CHEK2: variants seen among roughly 807,000 people sequenced by gnomAD.
The protein encoded by CHEK2 is checkpoint kinase 2, also known as serine/threonine-protein kinase Chk2.
A neutral mutation model predicts 69.1 loss-of-function variants in CHEK2; 71 were observed. The ratio of observed to expected loss-of-function variants is 1.03; its 90% CI spans 0.85 to 1.25. The LOEUF is 1.25. CHEK2 is among the 50% of genes most tolerant of loss of function. The probability of loss-of-function intolerance (pLI) is 0.00; values close to 1 mark genes in which losing one functional copy is unlikely to be tolerated. For missense variants in CHEK2, 664 were observed against 649.6 expected, an observed-to-expected ratio of 1.02 and a Z score of -0.24; for synonymous variants, 189 against 226.9, an observed-to-expected ratio of 0.83 and a Z score of 1.50.
chr22:28,695,736 C>G lies in CHEK2; in HGVS notation c.1233G>C (p.Trp411Cys), dbSNP rs1064796572. The G allele has an allele frequency of 6.2e-7, 1 of 1,613,756 alleles. No individual in the cohort carries two copies. The highest frequency in any genetic ancestry group is 8.5e-7 in the Non-Finnish European group (1 of 1,179,780). The change falls in exon 11 of 15, where the codon TGG (tryptophan) becomes TGC (cysteine). Residue 411 changes from tryptophan to cysteine, a missense_variant. By Grantham distance (215) the Trp-to-Cys change is radical (BLOSUM62 -2). Coordinates refer to ENST00000404276, the MANE Select transcript of CHEK2 (RefSeq NM_007194.4). ...TAGYNRAVDCWSLGVILFICL... is the reference protein window; with the variant it reads ...TAGYNRAVDCCSLGVILFICL... ...AGATAAAAAGAATAACTCCTAAACT[C>G]CAGCAGTCCACAGCACGGTTATACC...
rs2052746717 is a variant in CHEK2, at chr22:28,699,695, G to C, written c.1008+143C>G. On this transcript the variant is annotated intron_variant, in intron 9 of 14. Transcript: ENST00000404276. ...CTTTTTCATCTCAGTGAAAGGAGTA[G>C]GACATTTTTGCCAAGAAGAGAACAG... 9 of 717,856 alleles carry C rather than the reference G, an allele frequency of 1.3e-5. No individual in the cohort carries two copies. The Admixed American group carries it at 1.9e-4, about 15-fold the overall frequency. The allele number at this position is 717,856 out of a possible 1,614,324, so 44.5% of individuals were successfully genotyped here.
intron 14 of CHEK2, 122 bp from the exon 15 acceptor site, chr22:28,688,108 AAAATTACTGG>A: frequency 2.6e-6 from 2 of 771,830 alleles, no homozygotes; most frequent in South Asian, 3.1e-5. Flanking sequence ...TCTAGAACCA[AAAATTACTGG>A]TTGTCATCAT....
chr22:28,714,140 C>T (rs1204664770), intron 5 of CHEK2, among the ~76,000 whole-genome samples: 2 of 152,166 alleles, frequency 1.3e-5, no homozygotes, highest in African/African-American at 2.4e-5. Flanking sequence ...AATCACCAAA[C>T]TATTTTCCAC....
chr22:28,726,308 A>G (rs1231360806), intron 2 of CHEK2: 1 of 151,672 alleles, frequency 6.6e-6, no homozygotes, highest in Non-Finnish European at 1.5e-5. Flanking sequence ...AGCTGATGCT[A>G]CAATGGGCTG....
intron 4 of CHEK2, among the ~76,000 whole-genome samples, chr22:28,724,033 T>A (rs957795673): frequency 4.6e-5 from 7 of 152,126 alleles, no homozygotes; most frequent in African/African-American, 1.4e-4. Context: ...GAAACAACAA[T>A]TCATAGATAT....
At chr22:28,695,584 A>G in intron 11 of CHEK2, 126 bp downstream of exon 11, 2 of 813,248 alleles carry the variant, frequency 2.5e-6, no homozygotes, top group South Asian at 1.5e-5. Context: ...TTGACCCAGG[A>G]GGCAGAGGCT....
intron 2 of CHEK2, among the ~76,000 whole-genome samples, chr22:28,728,320 G>A (rs1192148764): frequency 1.3e-5 from 2 of 152,156 alleles, no homozygotes; most frequent in Admixed American, 6.5e-5. Context: ...TTGTGTGACA[G>A]TATTAGATGA....
chr22:28,730,389 G>A, intron 2 of CHEK2: 1 of 553,954 alleles, frequency 1.8e-6, no homozygotes. Flanking sequence ...AAGAGAAAGG[G>A]AAAGGGAAAG....
Position 28,725,356 on chromosome 22 carries a change from C to A in CHEK2, c.331G>T (p.Asp111Tyr), listed in dbSNP as rs1569159072. The A allele has an allele frequency of 6.2e-7, 1 of 1,614,090 alleles. No individual in the cohort carries two copies. Among genetic ancestry groups the A allele is most frequent in the Non-Finnish European group, 8.5e-7 (1 of 1,180,010 alleles). Residue 111 changes from aspartate to tyrosine, a missense_variant, in exon 3 of 15, where the codon GAC becomes TAC. Asp to Tyr is a radical substitution (Grantham distance 160). Coordinates refer to ENST00000404276, the MANE Select transcript of CHEK2 (RefSeq NM_007194.4). ...DGFANLECVNDNYWFGRDKSC... is the reference protein window; with the variant it reads ...DGFANLECVNYNYWFGRDKSC... ...TTGTCCCTCCCAAACCAGTAGTTGT[C>A]ATTCACACATTCTGTAATATAAAAG...
intron 4 of CHEK2, among the ~76,000 whole-genome samples, chr22:28,721,332 G>C (rs2053773532): frequency 7.2e-6 from 1 of 139,592 alleles, no homozygotes. Context: ...TGTACCCCAG[G>C]CTAGAGTGCA....
Position 28,705,127 on chromosome 22 carries a change from G to A in CHEK2, c.847-1561C>T, listed in dbSNP as rs373319463. Among the ~76,000 whole-genome samples the A allele has an allele frequency of 2.0e-4, 30 of 147,816 alleles. No individual in the cohort carries two copies. In the South Asian group the frequency reaches 6.2e-3, roughly 31 times the overall value. The stretch of plus-strand genomic sequence containing the variant: ...GGAGTCTTGCGCTGTCACCCAGGCT[G>A]GAGTGCGGTGGCGAGATCTCGGCTC... On this transcript the variant is annotated intron_variant, in intron 7 of 14. Transcript: ENST00000404276.
Position 28,734,590 on chromosome 22 carries a change from G to A in CHEK2, c.132C>T (p.Ser44=), listed in dbSNP as rs199715101. The A allele has an allele frequency of 1.8e-5, 29 of 1,613,832 alleles. 2 individuals are homozygous for A. Among genetic ancestry groups the A allele is most frequent in the Admixed American group, 3.3e-5 (2 of 59,968 alleles). ...QSQGISSSST[S]TMPNSSQSSH... is the part of the protein sequence containing the mutation. ...AGGACTGGCTGGAGTTTGGCATCGT[G>A]CTGGTAGAGGAGCTGGATATGCCCT... Residue 44 remains serine, a synonymous_variant, in exon 2 of 15, where the codon AGC becomes AGT. Coordinates refer to ENST00000404276, the MANE Select transcript of CHEK2 (RefSeq NM_007194.4).
chr22:28,712,094 G>GAATTTACAGACATTCCA, intron 5 of CHEK2, 77 bp from the exon 6 acceptor site: 2 of 1,020,454 alleles, frequency 2.0e-6, no homozygotes, highest in Non-Finnish European at 3.1e-6. Context: ...TCCACTTCAA[G>GAATTTACAGACATTCCA]TATTAGAATT....
intron 7 of CHEK2, among the ~76,000 whole-genome samples, chr22:28,708,546 T>A (rs1400942172): frequency 2.6e-5 from 4 of 152,236 alleles, no homozygotes; most frequent in Middle Eastern, 3.4e-3. Flanking sequence ...CACAGAGTTC[T>A]AAAGGAACCT....
chr22:28,708,401 G>GTGTC (rs1174086150), intron 7 of CHEK2, among the ~76,000 whole-genome samples: 1 of 150,010 alleles, frequency 6.7e-6, no homozygotes, highest in Non-Finnish European at 1.5e-5. Flanking sequence ...GTGTGTGTGT[G>GTGTC]TTAAAGAGAG....
At chr22:28,710,735 TA>T (rs1305040887) in intron 6 of CHEK2, among the ~76,000 whole-genome samples, 8 of 152,224 alleles carry the variant, frequency 5.3e-5, no homozygotes, top group African/African-American at 1.7e-4. Flanking sequence ...CATATTTATG[TA>T]AAATGAACTT....
chr22:28,724,936 G>T (rs2146055044), intron 4 of CHEK2, 41 bp downstream of exon 4: 2 of 1,607,188 alleles, frequency 1.2e-6, no homozygotes, highest in Non-Finnish European at 1.7e-6. Flanking sequence ...ATGAGAGAGT[G>T]GAAAAAAAAA....
chr22:28,715,727 T>C (rs2145979449), intron 5 of CHEK2, among the ~76,000 whole-genome samples: 1 of 152,298 alleles, frequency 6.6e-6, no homozygotes, highest in South Asian at 2.1e-4. Flanking sequence ...GCCTGGCTAT[T>C]TCCCAGTTAC....
At chr22:28,704,229 G>T (rs2053018153) in intron 7 of CHEK2, among the ~76,000 whole-genome samples, 3 of 151,826 alleles carry the variant, frequency 2.0e-5, no homozygotes, top group African/African-American at 7.3e-5. Flanking sequence ...GGGTAAGGAA[G>T]AGAATACTGC....
Sources: allele counts gnomAD v4.1 joint callset (sites outside exome capture counted in the v4.1 genomes callset), GRCh38; gene constraint gnomAD v4.1.1; transcripts MANE v1.5; gene names NCBI Gene and HGNC (gene_info 2026-07-23, HGNC 2026-07-21).